The following CSMD1 variants were observed in gnomAD, a reference collection of about 807,000 sequenced individuals.
CSMD1 encodes CUB and Sushi multiple domains 1, also known as CUB and sushi domain-containing protein 1.
CSMD1 carries 213 observed loss-of-function variants against 417.5 expected under a neutral mutation model. That is an observed-to-expected ratio of 0.51 (90% CI 0.46 to 0.57). The LOEUF (loss-of-function observed/expected upper bound fraction) is 0.57. Among genes scored for constraint, CSMD1 ranks in the 20% least tolerant of loss-of-function variants. The pLI, the probability that CSMD1 is intolerant of heterozygous loss-of-function variation, is 0.00. For missense variants in CSMD1, 6,923 were observed against 4,529.7 expected (o/e 1.53, Z -15.17); for synonymous variants, 2,862 against 1,736.8 (o/e 1.65, Z -16.11).
At chr8:3,769,383 G>A (rs1798453904) in intron 5 of CSMD1, among the ~76,000 whole-genome samples, 1 of 151,036 alleles carries the variant, frequency 6.6e-6, no homozygotes, top group Non-Finnish European at 1.5e-5. Flanking sequence ...TAAATACTAT[G>A]TTAAAAAGCA....
At chr8:4,599,868 G>C (rs772736491) in intron 2 of CSMD1, among the ~76,000 whole-genome samples, 2 of 152,172 alleles carry the variant, frequency 1.3e-5, no homozygotes, top group Non-Finnish European at 2.9e-5. Context: ...GACAATTAAA[G>C]TTACATTCAA....
chr8:3,146,222 T>C (rs554299907), intron 40 of CSMD1, among the ~76,000 whole-genome samples: 3 of 152,242 alleles, frequency 2.0e-5, no homozygotes, highest in South Asian at 2.1e-4. Flanking sequence ...GAAAGCTTCA[T>C]TGCATTTCTG....
At chr8:3,292,466 C>G (rs545482655) in intron 25 of CSMD1, among the ~76,000 whole-genome samples, 17 of 152,174 alleles carry the variant, frequency 1.1e-4, no homozygotes, top group South Asian at 4.2e-4. Flanking sequence ...GTGTCTGAGT[C>G]TCTTTGTAGG....
At chr8:3,693,675 TA>T (rs773153755) in intron 7 of CSMD1, among the ~76,000 whole-genome samples, 2 of 152,072 alleles carry the variant, frequency 1.3e-5, no homozygotes, top group Non-Finnish European at 2.9e-5. Context: ...TAAAAAGATA[TA>T]AAGAGAAAAA....
intron 11 of CSMD1, among the ~76,000 whole-genome samples, chr8:3,482,100 G>T (rs1374284895): frequency 6.6e-6 from 1 of 152,000 alleles, no homozygotes; most frequent in Non-Finnish European, 1.5e-5. Flanking sequence ...ATAACCCTTA[G>T]GAAGGCAAGA....
At chr8:4,285,421 A>G (rs1046714459) in intron 3 of CSMD1, among the ~76,000 whole-genome samples, 3 of 152,236 alleles carry the variant, frequency 2.0e-5, no homozygotes, top group Admixed American at 1.3e-4. Flanking sequence ...CACATTTCTC[A>G]TAAGAAACAC....
chr8:3,857,186 A>G (rs1444830568), intron 5 of CSMD1, among the ~76,000 whole-genome samples: 2 of 152,208 alleles, frequency 1.3e-5, no homozygotes, highest in Non-Finnish European at 2.9e-5. Context: ...CTTCATGAAA[A>G]AAGTGCCAAA....
chr8:4,511,382 A>C lies in CSMD1; in HGVS notation c.303-91317T>G, dbSNP rs141627052. ...GGCTTCTCCTTCGCAGGAGAATACA[A>C]ATCAGGATTCTTTGCAAACTTGCTG... is the stretch of plus-strand genomic sequence containing the variant. On this transcript the variant is annotated intron_variant, in intron 2 of 69. Transcript: ENST00000635120. Among the ~76,000 whole-genome samples, 318 of 152,272 alleles carry C rather than the reference A, an allele frequency of 2.1e-3. 2 individuals carry two copies. Among genetic ancestry groups the C allele is most frequent in the African/African-American group, 7.3e-3 (302 of 41,550 alleles).
chr8:4,567,411 AAAC>A (rs1170849268), intron 2 of CSMD1, among the ~76,000 whole-genome samples: 2 of 152,196 alleles, frequency 1.3e-5, no homozygotes, highest in African/African-American at 4.8e-5. Context: ...GCTGTGGAGA[AAAC>A]AACAACAAAT....
chr8:3,109,619 T>C (rs1222086036), intron 43 of CSMD1, among the ~76,000 whole-genome samples: 3 of 152,106 alleles, frequency 2.0e-5, no homozygotes, highest in Non-Finnish European at 2.9e-5. Flanking sequence ...GCATCCTCAC[T>C]GCCCCAAGAA....
intron 10 of CSMD1, among the ~76,000 whole-genome samples, chr8:3,563,613 T>A (rs11985313): frequency 0.36 from 54,667 of 151,902 alleles, 10,128 homozygotes; most frequent in African/African-American, 0.45. Flanking sequence ...TAACCTGGCC[T>A]GGCACAGTGG....
intron 1 of CSMD1, among the ~76,000 whole-genome samples, chr8:4,971,778 T>C (rs1810254063): frequency 1.3e-5 from 2 of 151,862 alleles, no homozygotes; most frequent in East Asian, 1.9e-4. Context: ...CTAAAATTAA[T>C]ACAATTCTCA....
At chr8:4,909,021 G>C (rs1421230429) in intron 1 of CSMD1, among the ~76,000 whole-genome samples, 1 of 152,110 alleles carries the variant, frequency 6.6e-6, no homozygotes, top group Non-Finnish European at 1.5e-5. Flanking sequence ...ACATGTATTG[G>C]TTAATAAAAA....
At chr8:3,579,103 A>C (rs138165865) in intron 9 of CSMD1, among the ~76,000 whole-genome samples, 13 of 152,352 alleles carry the variant, frequency 8.5e-5, no homozygotes, top group African/African-American at 3.1e-4. Flanking sequence ...CTTGCTTGGC[A>C]GTTTTCCAGA....
At chr8:3,244,662 G>C (rs1259282226) in intron 26 of CSMD1, among the ~76,000 whole-genome samples, 3 of 152,184 alleles carry the variant, frequency 2.0e-5, no homozygotes, top group Non-Finnish European at 4.4e-5. Context: ...ATTCAGCCTT[G>C]AATGTGGCTG....
At chr8:4,425,395 AAAT>A (rs1797490774) in intron 2 of CSMD1, among the ~76,000 whole-genome samples, 1 of 150,714 alleles carries the variant, frequency 6.6e-6, no homozygotes, top group African/African-American at 2.5e-5. Flanking sequence ...AAAAAAAAAA[AAAT>A]AGAGTCCAAC....
At chr8:4,670,688 G>C (rs1358522847) in intron 1 of CSMD1, among the ~76,000 whole-genome samples, 5 of 152,142 alleles carry the variant, frequency 3.3e-5, no homozygotes, top group East Asian at 3.8e-4. Flanking sequence ...TGATAGGTTT[G>C]ATAGGATTCA....
chr8:3,889,476 TATATATATATATATATAA>T (rs902929583), intron 5 of CSMD1, among the ~76,000 whole-genome samples: 7 of 109,902 alleles, frequency 6.4e-5, no homozygotes, highest in South Asian at 6.7e-4. Context: ...TATATATATA[TATATATATATATATATAA>T]AATATGCTCA....
At chr8:3,949,639 A>C (rs1043689538) in intron 5 of CSMD1, among the ~76,000 whole-genome samples, 1 of 152,020 alleles carries the variant, frequency 6.6e-6, no homozygotes, top group Admixed American at 6.6e-5. Flanking sequence ...TTTTAGGTAC[A>C]AGATTGAAGG....
Sources: gnomAD v4.1 joint callset for allele counts (sites outside exome capture counted in the v4.1 genomes callset) on GRCh38, gnomAD v4.1.1 for gene constraint, MANE v1.5 for transcripts, NCBI Gene and HGNC (gene_info 2026-07-23, HGNC 2026-07-21) for gene names.